DXO: variants seen among roughly 807,000 people sequenced by gnomAD.
DXO encodes decapping and exoribonuclease protein.
DXO carries 42 observed loss-of-function variants against 39.8 expected under a neutral mutation model. That is an observed-to-expected ratio of 1.06 (90% CI 0.83 to 1.37). DXO has a LOEUF of 1.37. Ranked by LOEUF, DXO falls within the 40% of genes most tolerant of loss-of-function variation. The pLI, the probability that DXO is intolerant of heterozygous loss-of-function variation, is 0.00. For missense variants in DXO, 495 were observed against 513.0 expected (o/e 0.96, Z 0.34); for synonymous variants, 193 against 200.4 (o/e 0.96, Z 0.31).
Position 31,971,397 on chromosome 6 carries a change from C to A in DXO, c.279G>T (p.Gln93His), listed in dbSNP as rs1210385367. The A allele has an allele frequency of 6.3e-7, 1 of 1,596,520 alleles. No individual in the cohort carries two copies. The highest frequency in any genetic ancestry group is 8.6e-7 in the Non-Finnish European group (1 of 1,168,302). The change falls in exon 2 of 7, where the codon CAG (glutamine) becomes CAT (histidine). Residue 93 changes from glutamine (Q) to histidine (H), a missense_variant. Gln to His is a conservative substitution (Grantham distance 24, BLOSUM62 0). Coordinates refer to ENST00000337523, the MANE Select transcript of DXO (RefSeq NM_005510.4). This position sits in a 1 kb window ranked among gnomAD's most constrained non-coding sequence, Gnocchi z 4.5. ...DLRDGYPDRY[Q>H]PRDEEVQERL... ...TTTCCTGGACCTCCTCGTCCCGGGG[C>A]TGGTATCGATCCGGGTATCCGTCTC...
At position 31,970,200 on chromosome 6, in the gene DXO, C is replaced by T. The variant is rs570061487; in HGVS notation, c.952G>A (p.Asp318Asn). 2 of 1,613,936 alleles carry T rather than the reference C, an allele frequency of 1.2e-6. No individual in the cohort carries two copies. The highest frequency in any genetic ancestry group is 1.7e-6 in the Non-Finnish European group (2 of 1,180,004). Residue 318 changes from aspartate (D) to asparagine (N), a missense_variant, in exon 6 of 7, where the codon GAC becomes AAC. By Grantham distance (23) the Asp-to-Asn change is conservative (BLOSUM62 1). Coordinates refer to ENST00000337523, the MANE Select transcript of DXO (RefSeq NM_005510.4). The surrounding 1 kb of genome is among the most constrained non-coding windows in gnomAD (Gnocchi z 4.0). Reference sequence around the variant, plus strand: ...ACAGAGGGATTCCAGCCGTCACGGTCATTCTGGAGCAGGCAGAGGAGGAGG... The same window carrying T: ...ACAGAGGGATTCCAGCCGTCACGGTTATTCTGGAGCAGGCAGAGGAGGAGG... ...TMKMFEYVRN[D>N]RDGWNPSVCM...
Position 31,970,510 on chromosome 6 carries a change from C to G in DXO, c.813-32G>C, listed in dbSNP as rs371591234. ...GGAAAAGCAAGGGATCAGTGGGACC[C>G]CTCGTGCACCCTCCATTCTGCCTTC... On this transcript the variant is annotated intron_variant, in intron 4 of 6. Coordinates refer to ENST00000337523, the MANE Select transcript of DXO (RefSeq NM_005510.4). This position sits in a 1 kb window ranked among gnomAD's most constrained non-coding sequence, Gnocchi z 4.0. The G allele has an allele frequency of 1.5e-5, 24 of 1,613,708 alleles. No homozygotes were observed. Among genetic ancestry groups the G allele is most frequent in the Non-Finnish European group, 2.0e-5 (24 of 1,179,894 alleles).
In DXO at chr6:31,970,772, A is replaced by AG; in HGVS notation, c.645dup (p.Phe216LeufsTer80). The AG allele has an allele frequency of 6.2e-7, 1 of 1,612,840 alleles. No individual in the cohort carries two copies. The highest frequency in any genetic ancestry group is 8.5e-7 in the Non-Finnish European group (1 of 1,179,964). On this transcript the variant is annotated frameshift_variant, in exon 4 of 7. Coordinates refer to ENST00000337523, the MANE Select transcript of DXO (RefSeq NM_005510.4). LOFTEE classifies it high-confidence loss of function. The surrounding 1 kb of genome is among the most constrained non-coding windows in gnomAD (Gnocchi z 4.0). ...AGGCGGCTGCGTAGCACAGAGCAGA[A>AG]GGCCACGTTGGTGTTAACCTCCCCA...
Position 31,970,264 on chromosome 6 carries a change from C to T in DXO, c.949-61G>A. ...GTGGGGGTGGTGGGAGGAGAGAAGG[C>T]AGGCTGTTGCCCTGGATGCTAGACC... On this transcript the variant is annotated intron_variant, in intron 5 of 6. Coordinates refer to ENST00000337523, the MANE Select transcript of DXO (RefSeq NM_005510.4). The surrounding 1 kb of genome is among the most constrained non-coding windows in gnomAD (Gnocchi z 4.0). 6.2e-7 allele frequency: 1 copy of T among 1,613,872 alleles called. No individual in the cohort carries two copies. The highest frequency in any genetic ancestry group is 8.5e-7 in the Non-Finnish European group (1 of 1,179,904).
rs201221404 is a variant in DXO at position 31,972,011 on chromosome 6, T to G, written c.-89A>C. On this transcript the variant is annotated 5_prime_UTR_variant, in exon 1 of 7. Coordinates refer to ENST00000337523, the MANE Select transcript of DXO (RefSeq NM_005510.4). This position sits in a 1 kb window ranked among gnomAD's most constrained non-coding sequence, Gnocchi z 6.3. ...GAGGCCGAAGGATGCAAAAGTGGTT[T>G]TCTGCTTTCGATGATGCAATCATTC... The G allele has an allele frequency of 1.9e-6, 3 of 1,605,512 alleles. No homozygotes were observed. The African/African-American group carries it at 4.0e-5, about 21-fold the overall frequency.
In DXO at chr6:31,970,712, C is replaced by A; in HGVS notation, c.706G>T (p.Asp236Tyr). 1 of 1,612,948 alleles carries A rather than the reference C, an allele frequency of 6.2e-7. No homozygotes were observed. Among genetic ancestry groups the A allele is most frequent in the Non-Finnish European group, 8.5e-7 (1 of 1,180,018 alleles). The change falls in exon 4 of 7, where the codon GAC becomes TAC. Residue 236 changes from aspartate (D) to tyrosine (Y), a missense_variant. Asp to Tyr is a radical substitution (Grantham distance 160). Coordinates refer to ENST00000337523, the MANE Select transcript of DXO (RefSeq NM_005510.4). This position sits in a 1 kb window ranked among gnomAD's most constrained non-coding sequence, Gnocchi z 4.0. ...GATGGGGCTTGGGGGTCTGTGCAGT[C>A]TACCTCCCCTGAGAAGAGCAGAGGG... ...SHPLLFSGEV[D>Y]CTDPQAPSTQ...
In DXO at chr6:31,970,954, G is replaced by C. The variant is rs1341624262; in HGVS notation, c.550C>G (p.Leu184Val). 6 of 1,612,886 alleles carry C rather than the reference G, an allele frequency of 3.7e-6. No individual in the cohort carries two copies. Among genetic ancestry groups the C allele is most frequent in the Non-Finnish European group, 4.2e-6 (5 of 1,180,006 alleles). ...TCAAATTTGTATCCCATGTACATAA[G>C]CTCCCGGAGGAGCGGTGGCCGAGCA... ...RLARPPLLRE[L>V]MYMGYKFEQY... The change falls in exon 3 of 7, where the codon CTT becomes GTT. Residue 184 changes from leucine (L) to valine (V), a missense_variant. By Grantham distance (32) the Leu-to-Val change is conservative. Transcript: ENST00000337523. This position sits in a 1 kb window ranked among gnomAD's most constrained non-coding sequence, Gnocchi z 4.0.
Position 31,971,332 on chromosome 6 carries a change from C to T in DXO, c.344G>A (p.Gly115Asp). The T allele has an allele frequency of 6.5e-7, 1 of 1,542,608 alleles. No homozygotes were observed. Among genetic ancestry groups the T allele is most frequent in the Non-Finnish European group, 8.7e-7 (1 of 1,143,258 alleles). Reference protein sequence around the residue: ...HLLCWLLEHRGRLEGGPGWLA... With the variant: ...HLLCWLLEHRDRLEGGPGWLA... ...ACGCTTTGCTCACCCCTCCAACCGG[C>T]CTCGGTGTTCCAGGAGCCAGCACAG... The change falls in exon 2 of 7, where the codon GGC (glycine) becomes GAC (aspartate). Residue 115 changes from glycine (G) to aspartate (D), a missense_variant. By Grantham distance (94) the Gly-to-Asp change is moderately conservative. Transcript: ENST00000337523. This position sits in a 1 kb window ranked among gnomAD's most constrained non-coding sequence, Gnocchi z 4.5.
Position 31,971,509 on chromosome 6 carries a change from G to A in DXO, c.167C>T (p.Ala56Val). 6.2e-7 allele frequency: 1 copy of A among 1,614,196 alleles called. No homozygotes were observed. The highest frequency in any genetic ancestry group is 1.6e-4 in the Middle Eastern group (1 of 6,062). The change falls in exon 2 of 7, where the codon GCT becomes GTT. Residue 56 changes from alanine (A) to valine (V), a missense_variant. By Grantham distance (64) the Ala-to-Val change is moderately conservative. Coordinates refer to ENST00000337523, the MANE Select transcript of DXO (RefSeq NM_005510.4). The surrounding 1 kb of genome is among the most constrained non-coding windows in gnomAD (Gnocchi z 4.5). ...GGCATCTCCATGGTACTGGCGTTGA[G>A]CATCCAGGGAGAAGCAGCCCAGTTC... ...PSELGCFSLD[A>V]QRQYHGDARA...
rs914825820 is a variant in DXO, at chr6:31,971,063, C to T, written c.441G>A (p.Glu147=). 114 of 1,612,864 alleles carry T rather than the reference C, an allele frequency of 7.1e-5. No individual in the cohort carries two copies. The highest frequency in any genetic ancestry group is 9.1e-5 in the Non-Finnish European group (107 of 1,180,020). ...ACCGGGAGGCTGCCAGCTGCCAGCC[C>T]TCCTGCCGCTCATACGGTGTCGTCA... ...KLLTTPYERQ[E]GWQLAASRFQ... Residue 147 remains glutamate (E), a synonymous_variant, in exon 3 of 7, where the codon GAG becomes GAA. Transcript: ENST00000337523. The surrounding 1 kb of genome is among the most constrained non-coding windows in gnomAD (Gnocchi z 4.5).
In DXO at chr6:31,972,097, T is replaced by C. The variant is rs751204904; in HGVS notation, c.-175A>G. ...GGAGGTGTGAGCTTCACGAAGGAGGTTGACACCAACGTGGCCACCGGCGCC... is the reference window on the plus strand; with the variant it reads ...GGAGGTGTGAGCTTCACGAAGGAGGCTGACACCAACGTGGCCACCGGCGCC... On this transcript the variant is annotated 5_prime_UTR_variant, in exon 1 of 7. Transcript: ENST00000337523. This position sits in a 1 kb window ranked among gnomAD's most constrained non-coding sequence, Gnocchi z 6.3. 3.7e-6 allele frequency: 6 copies of C among 1,612,290 alleles called. No homozygotes were observed. The African/African-American group carries it at 4.0e-5, about 11-fold the overall frequency.
In DXO at chr6:31,971,533, T is replaced by A; in HGVS notation, c.143A>T (p.Glu48Val). The change falls in exon 2 of 7, where the codon GAA becomes GTA. Residue 48 changes from glutamate (E) to valine (V), a missense_variant. Glu to Val is a moderately radical substitution (Grantham distance 121, BLOSUM62 -2). Transcript: ENST00000337523. This position sits in a 1 kb window ranked among gnomAD's most constrained non-coding sequence, Gnocchi z 4.5. Reference protein sequence around the residue: ...GPFPFYRRPSELGCFSLDAQR... With the variant: ...GPFPFYRRPSVLGCFSLDAQR... ...AGCATCCAGGGAGAAGCAGCCCAGTTCCGAAGGGCGCCGGTAGAAAGGAAA... is the reference window on the plus strand; with the variant it reads ...AGCATCCAGGGAGAAGCAGCCCAGTACCGAAGGGCGCCGGTAGAAAGGAAA... 2 of 1,614,106 alleles carry A rather than the reference T, an allele frequency of 1.2e-6. No homozygotes were observed. Among genetic ancestry groups the A allele is most frequent in the Non-Finnish European group, 1.7e-6 (2 of 1,180,016 alleles).
Position 31,970,605 on chromosome 6 carries a change from C to G in DXO, c.812+1G>C, listed in dbSNP as rs141432695. 42 of 1,613,052 alleles carry G rather than the reference C, an allele frequency of 2.6e-5. No homozygotes were observed. The African/African-American group carries it at 5.2e-4, about 20-fold the overall frequency. ...TCGCCCTGCCCACCCCGATCCTGAA[C>G]CTGTAGAAACTCCTCCATTGGCCAG... is the stretch of plus-strand genomic sequence containing the variant. On this transcript the variant is annotated splice_donor_variant, in intron 4 of 6. Coordinates refer to ENST00000337523, the MANE Select transcript of DXO (RefSeq NM_005510.4). LOFTEE classifies it high-confidence loss of function. This position sits in a 1 kb window ranked among gnomAD's most constrained non-coding sequence, Gnocchi z 4.0.
chr6:31,970,519 C>T lies in DXO; in HGVS notation c.813-41G>A, dbSNP rs746572095. ...AGGGATCAGTGGGACCCCTCGTGCACCCTCCATTCTGCCTTCACCCTCCTC... is the reference window on the plus strand; with the variant it reads ...AGGGATCAGTGGGACCCCTCGTGCATCCTCCATTCTGCCTTCACCCTCCTC... On this transcript the variant is annotated intron_variant, in intron 4 of 6. Transcript: ENST00000337523. The surrounding 1 kb of genome is among the most constrained non-coding windows in gnomAD (Gnocchi z 4.0). The T allele has an allele frequency of 5.0e-6, 8 of 1,613,688 alleles. No individual in the cohort carries two copies. The highest frequency in any genetic ancestry group is 5.9e-6 in the Non-Finnish European group (7 of 1,179,868).
At position 31,971,915 on chromosome 6, in the gene DXO, A is replaced by G; in HGVS notation, c.-7+14T>C. On this transcript the variant is annotated intron_variant, in intron 1 of 6. Transcript: ENST00000337523. This position sits in a 1 kb window ranked among gnomAD's most constrained non-coding sequence, Gnocchi z 4.5. ...TAGGAAGGACGTCTGCGCTCAGATCAAGAATCCAGTTACCTCAAAGCTCCC... is the reference window on the plus strand; with the variant it reads ...TAGGAAGGACGTCTGCGCTCAGATCGAGAATCCAGTTACCTCAAAGCTCCC... The G allele has an allele frequency of 1.3e-6, 2 of 1,531,534 alleles. No homozygotes were observed. Among genetic ancestry groups the G allele is most frequent in the Non-Finnish European group, 1.8e-6 (2 of 1,137,820 alleles). 94.9% of individuals were successfully genotyped at this position (1,531,534 alleles called of 1,614,324 possible). A position where few individuals can be genotyped will look rare whatever the true frequency, so the allele number is the denominator to read the frequency against.
Position 31,971,233 on chromosome 6 carries a change from G to C in DXO, c.357-86C>G. 1 of 1,555,540 alleles carries C rather than the reference G, an allele frequency of 6.4e-7. No individual in the cohort carries two copies. Among genetic ancestry groups the C allele is most frequent in the Non-Finnish European group, 8.7e-7 (1 of 1,148,886 alleles). The stretch of plus-strand genomic sequence containing the variant: ...GAAGAATAGTCTTGTTTCTTCTAAG[G>C]ACTGATTCTCACCCCGGCTTTGGCT... On this transcript the variant is annotated intron_variant, in intron 2 of 6. Coordinates refer to ENST00000337523, the MANE Select transcript of DXO (RefSeq NM_005510.4). This position sits in a 1 kb window ranked among gnomAD's most constrained non-coding sequence, Gnocchi z 4.5.
chr6:31,970,978 C>G lies in DXO; in HGVS notation c.526G>C (p.Ala176Pro), dbSNP rs1425886225. ...AGCTCCCGGAGGAGCGGTGGCCGAGCAAGCCTCTGGGCCCGAGCGTTCGGT... is the reference window on the plus strand; with the variant it reads ...AGCTCCCGGAGGAGCGGTGGCCGAGGAAGCCTCTGGGCCCGAGCGTTCGGT... ...ETPNARAQRL[A>P]RPPLLRELMY... The change falls in exon 3 of 7, where the codon GCT becomes CCT. Residue 176 changes from alanine to proline, a missense_variant. Ala to Pro is a conservative substitution (Grantham distance 27). Transcript: ENST00000337523. This position sits in a 1 kb window ranked among gnomAD's most constrained non-coding sequence, Gnocchi z 4.0. 3.7e-6 allele frequency: 6 copies of G among 1,612,882 alleles called. No homozygotes were observed. Among genetic ancestry groups the G allele is most frequent in the Non-Finnish European group, 4.2e-6 (5 of 1,180,026 alleles).
chr6:31,969,988 T>C lies in DXO; in HGVS notation c.1080A>G (p.Pro360=). 6.2e-7 allele frequency: 1 copy of C among 1,613,882 alleles called. No homozygotes were observed. ...VHLFSWEPGG[P]VTVSVHQDAP... The stretch of plus-strand genomic sequence containing the variant: ...CATCTTGGTGTACAGACACGGTGAC[T>C]GGGCCGCCAGGCTCCCAAGAGAAGA... The change falls in exon 7 of 7, where the codon CCA becomes CCG. Residue 360 remains proline, a synonymous_variant. Transcript: ENST00000337523. This position sits in a 1 kb window ranked among gnomAD's most constrained non-coding sequence, Gnocchi z 6.1.
Position 31,971,550 on chromosome 6 carries a change from G to T in DXO, c.126C>A (p.Phe42Leu), listed in dbSNP as rs750375402. 2.2e-5 allele frequency: 36 copies of T among 1,614,088 alleles called. No individual in the cohort carries two copies. The highest frequency in any genetic ancestry group is 2.8e-5 in the Non-Finnish European group (33 of 1,180,058). Reference protein sequence around the residue: ...DPALYSGPFPFYRRPSELGCF... With the variant: ...DPALYSGPFPLYRRPSELGCF... ...AGCCCAGTTCCGAAGGGCGCCGGTA[G>T]AAAGGAAAGGGCCCAGAGTAGAGGG... The change falls in exon 2 of 7, where the codon TTC becomes TTA. Residue 42 changes from phenylalanine (F) to leucine (L), a missense_variant. Transcript: ENST00000337523. This position sits in a 1 kb window ranked among gnomAD's most constrained non-coding sequence, Gnocchi z 4.5.
Sources: allele counts gnomAD v4.1 joint callset, GRCh38; gene constraint gnomAD v4.1.1; non-coding constraint Gnocchi (gnomAD v3.1); transcripts MANE v1.5; gene names NCBI Gene and HGNC (gene_info 2026-07-23, HGNC 2026-07-21).